INTS7: variants seen among roughly 807,000 people sequenced by gnomAD.
INTS7 encodes chromosome 1 open reading frame 73.
INTS7 carries 46 observed loss-of-function variants against 109.2 expected under a neutral mutation model. The ratio of observed to expected loss-of-function variants is 0.42; its 90% CI spans 0.33 to 0.54. The LOEUF is 0.54. Ranked by LOEUF, INTS7 falls within the 20% of genes least tolerant of loss-of-function variation. INTS7 has a pLI of 0.07. For synonymous variants in INTS7, 412 were observed against 402.9 expected, an observed-to-expected ratio of 1.02 and a Z score of -0.27; for missense variants, 929 against 1,132.4, an observed-to-expected ratio of 0.82 and a Z score of 2.58.
intron 4 of INTS7, among the ~76,000 whole-genome samples, chr1:212,015,659 C>G (rs1022262880): frequency 3.1e-5 from 4 of 129,342 alleles, no homozygotes; most frequent in African/African-American, 1.2e-4. Flanking sequence ...TGTCCTATGA[C>G]CCTGCCAAAT....
chr1:212,027,368 T>C (rs2102500819), intron 1 of INTS7, among the ~76,000 whole-genome samples: 1 of 152,292 alleles, frequency 6.6e-6, no homozygotes, highest in Middle Eastern at 3.4e-3. Context: ...AATGCCCTGG[T>C]CATAAGACCA....
At chr1:212,030,877 T>C (rs1667131974) in intron 1 of INTS7, 1 of 152,240 alleles carries the variant, frequency 6.6e-6, no homozygotes, top group African/African-American at 2.4e-5. Context: ...GTGGTCTTTC[T>C]TGACAAACTT....
chr1:211,945,397 GAAGTCACTGTGCTATAAAAA>G (rs1435932228), intron 18 of INTS7, among the ~76,000 whole-genome samples: 4 of 152,106 alleles, frequency 2.6e-5, no homozygotes, highest in African/African-American at 4.8e-5. Context: ...TCTACACAAC[GAAGTCACTGTGCTATAAAAA>G]AAGTCAATAT....
At position 211,958,173 on chromosome 1, in the gene INTS7, C is replaced by T. The variant is rs567419908; in HGVS notation, c.2184-5472G>A. Among the ~76,000 whole-genome samples the T allele has an allele frequency of 3.6e-4, 55 of 151,922 alleles. 1 individual carries two copies. The highest frequency in any genetic ancestry group is 6.8e-3 in the Middle Eastern group (2 of 294). On this transcript the variant is annotated intron_variant, in intron 16 of 19. Transcript: ENST00000366994. ...ATTTTCCTTCAGCCTAAAAAAGTTC[C>T]TTTAACATTTCTTGTAGTACAGATC...
At chr1:211,945,815 T>G (rs1387930863) in intron 18 of INTS7, among the ~76,000 whole-genome samples, 1 of 152,254 alleles carries the variant, frequency 6.6e-6, no homozygotes, top group Non-Finnish European at 1.5e-5. Flanking sequence ...AAATAGCTTT[T>G]GAATTGTGAG....
Position 211,940,800 on chromosome 1 carries a change from A to T in INTS7, c.*1024T>A. The T allele has an allele frequency of 6.6e-6, 1 of 152,234 alleles. No homozygotes were observed. Among genetic ancestry groups the T allele is most frequent in the South Asian group, 2.1e-4 (1 of 4,838 alleles). The allele number at this position is 152,234 out of a possible 1,614,324, so 9.4% of individuals were successfully genotyped here. ...AACCAATCACCAACCAAAGGAAAAG[A>T]TCCACCCCTTCTAACTTAAAACATT... On this transcript the variant is annotated 3_prime_UTR_variant, in exon 20 of 20. Coordinates refer to ENST00000366994, the MANE Select transcript of INTS7 (RefSeq NM_015434.4).
chr1:211,970,450 T>C (rs974528992), intron 13 of INTS7, among the ~76,000 whole-genome samples: 5 of 152,240 alleles, frequency 3.3e-5, no homozygotes, highest in Non-Finnish European at 7.3e-5. Context: ...GTTTCTTAGA[T>C]ACTATCTCAC....
At chr1:211,987,338 CAA>C (rs1228860005) in intron 8 of INTS7, among the ~76,000 whole-genome samples, 3 of 151,360 alleles carry the variant, frequency 2.0e-5, no homozygotes, top group Non-Finnish European at 4.4e-5. Context: ...CCCAAAATGA[CAA>C]AAAAGTTTAG....
rs956580984 is a variant in INTS7, at chr1:211,941,781, T to C, written c.*43A>G. 6.9e-6 allele frequency: 11 copies of C among 1,583,354 alleles called. No homozygotes were observed. The highest frequency in any genetic ancestry group is 2.2e-5 in the East Asian group (1 of 44,560). ...TGAAAAACCAAACTGTTTCTGGCAA[T>C]TTGATTGATCTCTTGAGAGTCTGCA... On this transcript the variant is annotated 3_prime_UTR_variant, in exon 20 of 20. Transcript: ENST00000366994.
chr1:211,967,775 G>T, intron 15 of INTS7, 103 bp downstream of exon 15: 2 of 653,104 alleles, frequency 3.1e-6, no homozygotes, highest in Non-Finnish European at 2.7e-6. Flanking sequence ...AAATTTATAG[G>T]GTTATTTAAC....
chr1:211,986,648 G>C (rs1001323470), intron 8 of INTS7, among the ~76,000 whole-genome samples: 2 of 152,158 alleles, frequency 1.3e-5, no homozygotes, highest in African/African-American at 4.8e-5. Flanking sequence ...CCCACTGCTA[G>C]AGTATATTCT....
chr1:212,005,253 A>G (rs1423757070), intron 7 of INTS7, among the ~76,000 whole-genome samples: 1 of 152,232 alleles, frequency 6.6e-6, no homozygotes, highest in East Asian at 1.9e-4. Context: ...AAAGCTAAAC[A>G]GTATTCTTTA....
chr1:212,002,282 ATT>A (rs1437281300), intron 7 of INTS7, among the ~76,000 whole-genome samples: 1 of 152,292 alleles, frequency 6.6e-6, no homozygotes, highest in Admixed American at 6.5e-5. Context: ...TAATTCGATT[ATT>A]TGTAACTGCC....
intron 5 of INTS7, among the ~76,000 whole-genome samples, chr1:212,008,561 A>G (rs1466014630): frequency 6.6e-6 from 1 of 152,144 alleles, no homozygotes; most frequent in Admixed American, 6.5e-5. Flanking sequence ...ATTATCGGCT[A>G]AATGTGAAAG....
At chr1:211,969,909 G>A (rs1033930476) in intron 13 of INTS7, among the ~76,000 whole-genome samples, 10 of 151,684 alleles carry the variant, frequency 6.6e-5, no homozygotes, top group Non-Finnish European at 1.3e-4. Context: ...TAGTAGAGAC[G>A]GGGTTTCACC....
At position 212,016,878 on chromosome 1, in the gene INTS7, A is replaced by G. The variant is rs1666467712; in HGVS notation, c.509+8T>C. Reference sequence around the variant, plus strand: ...ATTACTAAAAGGGATGTACTTTTGTAAGCTTACTTTGACTGTGCAGAGAAG... The same window carrying G: ...ATTACTAAAAGGGATGTACTTTTGTGAGCTTACTTTGACTGTGCAGAGAAG... On this transcript the variant is annotated splice_region_variant and intron_variant, in intron 4 of 19. Coordinates refer to ENST00000366994, the MANE Select transcript of INTS7 (RefSeq NM_015434.4). 2 of 1,585,850 alleles carry G rather than the reference A, an allele frequency of 1.3e-6. No individual in the cohort carries two copies. Among genetic ancestry groups the G allele is most frequent in the African/African-American group, 2.8e-5 (2 of 72,702 alleles).
In INTS7 at chr1:211,977,770, C is replaced by A. The variant is rs528417018; in HGVS notation, c.1470+502G>T. 7.2e-5 allele frequency among the ~76,000 whole-genome samples: 11 copies of A among 152,276 alleles called. No individual in the cohort carries two copies. In the East Asian group the frequency reaches 1.5e-3, roughly 21 times the overall value. On this transcript the variant is annotated intron_variant, in intron 11 of 19. Coordinates refer to ENST00000366994, the MANE Select transcript of INTS7 (RefSeq NM_015434.4). ...CTTTCTAAGCATGTACCTTTCCCAACCTCAAGGGTCTACAGAAGCCTAAAC... is the reference window on the plus strand; with the variant it reads ...CTTTCTAAGCATGTACCTTTCCCAAACTCAAGGGTCTACAGAAGCCTAAAC...
At position 212,021,173 on chromosome 1, in the gene INTS7, A is replaced by G. The variant is rs771840573; in HGVS notation, c.134T>C (p.Val45Ala). The change falls in exon 2 of 20, where the codon GTT becomes GCT. Residue 45 changes from valine (V) to alanine (A), a missense_variant. Val to Ala is a moderately conservative substitution (Grantham distance 64). Coordinates refer to ENST00000366994, the MANE Select transcript of INTS7 (RefSeq NM_015434.4). ...CTGAAAAAGTCTGGGAAAGCGAACA[A>G]CTGCTTCACACTGTTCACCAAGTTT... is the stretch of plus-strand genomic sequence containing the variant. ...SGKLGEQCEA[V>A]VRFPRLFQKY... 1.9e-6 allele frequency: 3 copies of G among 1,612,840 alleles called. No individual in the cohort carries two copies. Among genetic ancestry groups the G allele is most frequent in the Non-Finnish European group, 2.5e-6 (3 of 1,179,242 alleles).
chr1:212,005,981 T>C (rs1477396151), intron 7 of INTS7, among the ~76,000 whole-genome samples: 4 of 152,172 alleles, frequency 2.6e-5, no homozygotes, highest in Non-Finnish European at 5.9e-5. Context: ...TTTAATCCAC[T>C]GGAGTCATGA....
Sources: gnomAD v4.1 joint callset for allele counts (sites outside exome capture counted in the v4.1 genomes callset) on GRCh38, gnomAD v4.1.1 for gene constraint, MANE v1.5 for transcripts, NCBI Gene and HGNC (gene_info 2026-07-23, HGNC 2026-07-21) for gene names.